The following PIEZO2 variants were observed in gnomAD, a reference collection of about 807,000 sequenced individuals.
PIEZO2 encodes the protein piezo-type mechanosensitive ion channel component 2.
A neutral mutation model predicts 337.3 loss-of-function variants in PIEZO2; 172 were observed. The observed-to-expected ratio is 0.51, with a 90% CI of 0.45 to 0.58. PIEZO2 has a LOEUF of 0.58. PIEZO2 is among the 20% of genes least tolerant of loss of function. The pLI, the probability that PIEZO2 is intolerant of heterozygous loss-of-function variation, is 0.00. For missense variants in PIEZO2, 3,028 were observed against 3,391.3 expected, an observed-to-expected ratio of 0.89 and a Z score of 2.66; for synonymous variants, 1,251 against 1,228.5, an observed-to-expected ratio of 1.02 and a Z score of -0.38.
At chr18:10,755,225 G>A (rs1053411368) in intron 27 of PIEZO2, among the ~76,000 whole-genome samples, 2 of 152,064 alleles carry the variant, frequency 1.3e-5, no homozygotes, top group Non-Finnish European at 2.9e-5. Context: ...ATCGGAAGCT[G>A]GAGAGAGACT....
At position 10,681,610 on chromosome 18, in the gene PIEZO2, C is replaced by A. The variant is rs1331201652; in HGVS notation, c.7779+51G>T. 3 of 1,419,902 alleles carry A rather than the reference C, an allele frequency of 2.1e-6. No individual in the cohort carries two copies. The East Asian group carries it at 6.8e-5, about 32-fold the overall frequency. The allele number at this position is 1,419,902 out of a possible 1,614,324, so 88.0% of individuals were successfully genotyped here. On this transcript the variant is annotated intron_variant, in intron 51 of 55. Coordinates refer to ENST00000674853, the MANE Select transcript of PIEZO2 (RefSeq NM_001378183.1). Reference sequence around the variant, plus strand: ...AAAGCATTAAATGACAATGAGTGAACTTCCCTAGATGAGAGGTCTTCACAG... The same window carrying A: ...AAAGCATTAAATGACAATGAGTGAAATTCCCTAGATGAGAGGTCTTCACAG...
At position 11,025,581 on chromosome 18, in the gene PIEZO2, AACCC is replaced by A. The variant is rs544804434; in HGVS notation, c.160+40542_160+40545del. Among the ~76,000 whole-genome samples the A allele has an allele frequency of 6.2e-3, 944 of 152,294 alleles. 12 individuals are homozygous for A. Among genetic ancestry groups the A allele is most frequent in the African/African-American group, 0.022 (915 of 41,550 alleles). On this transcript the variant is annotated intron_variant, in intron 2 of 55. Coordinates refer to ENST00000674853, the MANE Select transcript of PIEZO2 (RefSeq NM_001378183.1). ...CTTCTCCTGGCAAGAGAACTCAGGA[AACCC>A]AGCTCCTCTGTGTCTCAGGACGGAT...
chr18:11,008,267 A>C (rs1392051806), intron 2 of PIEZO2, among the ~76,000 whole-genome samples: 1 of 152,216 alleles, frequency 6.6e-6, no homozygotes, highest in Non-Finnish European at 1.5e-5. Flanking sequence ...CCACAGCAGC[A>C]GCCTCTGTGC....
intron 1 of PIEZO2, among the ~76,000 whole-genome samples, chr18:11,145,274 T>C (rs1479759949): frequency 6.6e-6 from 1 of 152,208 alleles, no homozygotes; most frequent in African/African-American, 2.4e-5. Flanking sequence ...GTTTTGCTTT[T>C]AACACTCACG....
At position 11,092,853 on chromosome 18, in the gene PIEZO2, G is replaced by A. The variant is rs9947528; in HGVS notation, c.65-26631C>T. The stretch of plus-strand genomic sequence containing the variant: ...ACAGGGCCACATATCTGTCCAGGGA[G>A]CAATCGCCAGCTCTCACATCTCTTG... On this transcript the variant is annotated intron_variant, in intron 1 of 55. Coordinates refer to ENST00000674853, the MANE Select transcript of PIEZO2 (RefSeq NM_001378183.1). This position sits in a 1 kb window ranked among gnomAD's most constrained non-coding sequence, Gnocchi z 4.5. Among the ~76,000 whole-genome samples the A allele has an allele frequency of 0.12, 18,604 of 152,206 alleles. 1,433 individuals are homozygous for A. Among genetic ancestry groups the A allele is most frequent in the African/African-American group, 0.21 (8,754 of 41,504 alleles).
chr18:10,732,976 G>A (rs554529449), intron 35 of PIEZO2, among the ~76,000 whole-genome samples: 67 of 149,794 alleles, frequency 4.5e-4, no homozygotes, highest in Admixed American at 8.0e-4. Context: ...CACGAATCCC[G>A]AAAATAGAAA....
chr18:10,948,919 T>G (rs907792296), intron 3 of PIEZO2, among the ~76,000 whole-genome samples: 2 of 152,196 alleles, frequency 1.3e-5, no homozygotes, highest in African/African-American at 4.8e-5. Context: ...GTGAGGGTGT[T>G]ACGGCCTGTT....
In PIEZO2 at chr18:10,878,497, T is replaced by G. The variant is rs1465519711; in HGVS notation, c.330-7082A>C. Among the ~76,000 whole-genome samples the G allele has an allele frequency of 6.6e-6, 1 of 152,222 alleles. No homozygotes were observed. The highest frequency in any genetic ancestry group is 2.4e-5 in the African/African-American group (1 of 41,460). ...AGTTATTTGCACATGCAGATTTCATTGTCAAAATTGGAAGCTATAACTCAT... is the reference window on the plus strand; with the variant it reads ...AGTTATTTGCACATGCAGATTTCATGGTCAAAATTGGAAGCTATAACTCAT... On this transcript the variant is annotated intron_variant, in intron 4 of 55. Transcript: ENST00000674853. The surrounding 1 kb of genome is among the most constrained non-coding windows in gnomAD (Gnocchi z 4.3).
Position 10,820,760 on chromosome 18 carries a change from A to G in PIEZO2, c.918-13486T>C, listed in dbSNP as rs140248847. On this transcript the variant is annotated intron_variant, in intron 7 of 55. Coordinates refer to ENST00000674853, the MANE Select transcript of PIEZO2 (RefSeq NM_001378183.1). ...TGTCATTTAAAAAGTGTTGAGTTTT[A>G]TACTGGCAGGAAGTTAAGTTACTTG... is the stretch of plus-strand genomic sequence containing the variant. 8.9e-4 allele frequency among the ~76,000 whole-genome samples: 136 copies of G among 152,288 alleles called. 1 individual carries two copies. Among genetic ancestry groups the G allele is most frequent in the African/African-American group, 3.2e-3 (133 of 41,554 alleles).
intron 3 of PIEZO2, among the ~76,000 whole-genome samples, chr18:10,936,552 G>A (rs2032411092): frequency 6.6e-6 from 1 of 152,152 alleles, no homozygotes; most frequent in South Asian, 2.1e-4. Context: ...TATTTTTGCT[G>A]ATGTGCTAGT....
chr18:11,004,854 T>C (rs2035664908), intron 2 of PIEZO2, among the ~76,000 whole-genome samples: 1 of 152,250 alleles, frequency 6.6e-6, no homozygotes, highest in South Asian at 2.1e-4. Flanking sequence ...GATTTGTGCG[T>C]TTCCTACTGT....
chr18:11,045,512 A>G (rs991947210), intron 2 of PIEZO2, among the ~76,000 whole-genome samples: 15 of 152,140 alleles, frequency 9.9e-5, no homozygotes, highest in African/African-American at 3.4e-4. Flanking sequence ...TTAAACCGTG[A>G]AATCACACAC....
intron 2 of PIEZO2, among the ~76,000 whole-genome samples, chr18:11,057,474 A>G (rs2037773387): frequency 6.6e-6 from 1 of 152,122 alleles, no homozygotes; most frequent in South Asian, 2.1e-4. Flanking sequence ...TCCCTTCACA[A>G]CAGTATTGTA....
chr18:10,731,733 A>G (rs2036797163), intron 35 of PIEZO2, among the ~76,000 whole-genome samples: 1 of 152,158 alleles, frequency 6.6e-6, no homozygotes, highest in Admixed American at 6.5e-5. Context: ...CACAGATATC[A>G]TGAGATAAAC....
intron 33 of PIEZO2, 43 bp from the exon 34 acceptor site, chr18:10,736,753 A>AAGG (rs747932778): frequency 6.6e-7 from 1 of 1,525,046 alleles, no homozygotes; most frequent in South Asian, 1.2e-5. Context: ...AAAGACATAT[A>AAGG]AGGAAATTGG....
chr18:10,714,627 G>A, intron 39 of PIEZO2, 137 bp downstream of exon 39: 1 of 928,934 alleles, frequency 1.1e-6, no homozygotes, highest in Non-Finnish European at 1.6e-6. Context: ...TTGTACAGAT[G>A]GCGACAGCTG....
intron 51 of PIEZO2, among the ~76,000 whole-genome samples, 195 bp downstream of exon 51, chr18:10,681,464 CTA>C (rs1308413283): frequency 6.6e-6 from 1 of 152,164 alleles, no homozygotes; most frequent in Non-Finnish European, 1.5e-5. Flanking sequence ...TTTATTACCA[CTA>C]ATGTCCAACA....
chr18:10,994,572 AT>A (rs1276342991), intron 2 of PIEZO2, among the ~76,000 whole-genome samples: 8 of 148,758 alleles, frequency 5.4e-5, no homozygotes, highest in Admixed American at 6.7e-5. Flanking sequence ...ACCATGCCTA[AT>A]TTTTTTTTGT....
rs2040255014 is a variant in PIEZO2, at chr18:11,128,618, T to C, written c.64+19907A>G. On this transcript the variant is annotated intron_variant, in intron 1 of 55. Transcript: ENST00000674853. This position sits in a 1 kb window ranked among gnomAD's most constrained non-coding sequence, Gnocchi z 4.1. The stretch of plus-strand genomic sequence containing the variant: ...CACCTTTGTCTGAGGACATAAACCC[T>C]GCGCTGCCTGAGGCAACAGTGATGG... Among the ~76,000 whole-genome samples, 1 of 152,128 alleles carries C rather than the reference T, an allele frequency of 6.6e-6. No homozygotes were observed. Among genetic ancestry groups the C allele is most frequent in the African/African-American group, 2.4e-5 (1 of 41,418 alleles).
Sources: allele counts gnomAD v4.1 joint callset (sites outside exome capture counted in the v4.1 genomes callset), GRCh38; gene constraint gnomAD v4.1.1; non-coding constraint Gnocchi (gnomAD v3.1); transcripts MANE v1.5; gene names NCBI Gene and HGNC (gene_info 2026-07-23, HGNC 2026-07-21).